The following NLGN1 variants were observed in gnomAD, a reference collection of about 807,000 sequenced individuals.
The protein encoded by NLGN1 is neuroligin-1.
In NLGN1, 12 loss-of-function variants were observed where a neutral mutation model predicts 65.5. That is an observed-to-expected ratio of 0.18 (90% CI 0.12 to 0.30). NLGN1 has a LOEUF of 0.30. NLGN1 is among the 10% of genes least tolerant of loss of function. The pLI, the probability that NLGN1 is intolerant of heterozygous loss-of-function variation, is 1.00. For missense variants in NLGN1, 750 were observed against 1,007.1 expected, an observed-to-expected ratio of 0.74 and a Z score of 3.46; for synonymous variants, 350 against 359.5, an observed-to-expected ratio of 0.97 and a Z score of 0.30.
At chr3:174,276,562 G>GTTTTGTGAT (rs1750631554) in intron 5 of NLGN1, among the ~76,000 whole-genome samples, 1 of 151,878 alleles carries the variant, frequency 6.6e-6, no homozygotes, top group South Asian at 2.1e-4. Flanking sequence ...GTAAGGTTGA[G>GTTTTGTGAT]TTTTGTGATA....
chr3:174,071,141 A>G (rs1425055612), intron 4 of NLGN1, among the ~76,000 whole-genome samples: 5 of 152,284 alleles, frequency 3.3e-5, no homozygotes, highest in African/African-American at 1.2e-4. Flanking sequence ...AAACTCCGAA[A>G]TTTTTTGGTG....
At chr3:173,732,752 A>G (rs896102129) in intron 3 of NLGN1, among the ~76,000 whole-genome samples, 1 of 152,146 alleles carries the variant, frequency 6.6e-6, no homozygotes, top group Non-Finnish European at 1.5e-5. Context: ...GTAACTAGCT[A>G]AATTACAGTG....
intron 4 of NLGN1, among the ~76,000 whole-genome samples, chr3:174,246,038 C>T (rs1036094820): frequency 1.3e-5 from 2 of 152,158 alleles, no homozygotes; most frequent in Non-Finnish European, 2.9e-5. Flanking sequence ...ATTACATGAT[C>T]CTTTTTCATT....
Position 173,516,439 on chromosome 3 carries a change from C to T in NLGN1, c.-321+81361C>T, listed in dbSNP as rs989454377. Among the ~76,000 whole-genome samples the T allele has an allele frequency of 5.3e-5, 8 of 152,014 alleles. No individual in the cohort carries two copies. The East Asian group carries it at 5.8e-4, about 11-fold the overall frequency. On this transcript the variant is annotated intron_variant, in intron 2 of 6. Transcript: ENST00000457714. Reference sequence around the variant, plus strand: ...GAATTCATGCTTCTCCTACAATATACTCCTCTTCCTGAACTTTTTGTATCA... The same window carrying T: ...GAATTCATGCTTCTCCTACAATATATTCCTCTTCCTGAACTTTTTGTATCA...
intron 4 of NLGN1, among the ~76,000 whole-genome samples, chr3:173,919,966 A>G (rs2152258652): frequency 6.6e-6 from 1 of 152,240 alleles, no homozygotes; most frequent in Non-Finnish European, 1.5e-5. Context: ...TAATCAAAGG[A>G]GAATGCTGGG....
chr3:173,983,567 A>G (rs1236818492), intron 4 of NLGN1, among the ~76,000 whole-genome samples: 1 of 152,154 alleles, frequency 6.6e-6, no homozygotes, highest in Non-Finnish European at 1.5e-5. Flanking sequence ...ACCTAACCTC[A>G]GTGCTTGTCT....
At chr3:173,460,052 T>G (rs1472247295) in intron 2 of NLGN1, among the ~76,000 whole-genome samples, 2 of 152,054 alleles carry the variant, frequency 1.3e-5, no homozygotes, top group Non-Finnish European at 2.9e-5. Context: ...AAAATCAATA[T>G]TTTTTAATTA....
intron 3 of NLGN1, among the ~76,000 whole-genome samples, chr3:173,689,374 C>T (rs771431163): frequency 6.6e-6 from 1 of 152,094 alleles, no homozygotes; most frequent in Non-Finnish European, 1.5e-5. Context: ...GAGGAGGCAG[C>T]CCCAATCTGC....
At chr3:173,814,139 C>G (rs1277357633) in intron 4 of NLGN1, among the ~76,000 whole-genome samples, 1 of 152,206 alleles carries the variant, frequency 6.6e-6, no homozygotes, top group Non-Finnish European at 1.5e-5. Context: ...GGGTGCGTGT[C>G]TCGCCCACAG....
intron 2 of NLGN1, among the ~76,000 whole-genome samples, chr3:173,484,646 CAA>C (rs1414902410): frequency 1.3e-5 from 2 of 151,798 alleles, no homozygotes; most frequent in African/African-American, 4.8e-5. Context: ...AGACATAGGC[CAA>C]TATATCTATG....
At chr3:173,782,197 A>G (rs1781277410) in intron 3 of NLGN1, among the ~76,000 whole-genome samples, 1 of 152,070 alleles carries the variant, frequency 6.6e-6, no homozygotes, top group Non-Finnish European at 1.5e-5. Context: ...TCAATTTGGG[A>G]AAGACAGGGT....
chr3:174,200,172 G>A (rs1203942367), intron 4 of NLGN1, among the ~76,000 whole-genome samples: 1 of 152,148 alleles, frequency 6.6e-6, no homozygotes, highest in Admixed American at 6.5e-5. Flanking sequence ...TTAATCTCCT[G>A]TTTCCTCATC....
intron 2 of NLGN1, among the ~76,000 whole-genome samples, chr3:173,499,269 A>G (rs1041234569): frequency 7.9e-5 from 12 of 151,976 alleles, no homozygotes; most frequent in South Asian, 6.2e-4. Flanking sequence ...AGCTTTCTAC[A>G]TATGGCTAGC....
chr3:173,596,888 G>A (rs1393581326), intron 2 of NLGN1, among the ~76,000 whole-genome samples: 1 of 152,036 alleles, frequency 6.6e-6, no homozygotes, highest in East Asian at 1.9e-4. Context: ...TTCAACATTA[G>A]GATTACCATT....
chr3:173,747,281 A>G (rs1775594505), intron 3 of NLGN1, among the ~76,000 whole-genome samples: 1 of 142,060 alleles, frequency 7.0e-6, no homozygotes, highest in Non-Finnish European at 1.5e-5. Context: ...TTAAGTATAT[A>G]TATTTAAATA....
intron 4 of NLGN1, among the ~76,000 whole-genome samples, chr3:173,870,516 A>G (rs1481892479): frequency 6.6e-6 from 1 of 152,142 alleles, no homozygotes; most frequent in African/African-American, 2.4e-5. Flanking sequence ...TTTCAACAAA[A>G]AGGGGGCTGT....
intron 4 of NLGN1, among the ~76,000 whole-genome samples, chr3:174,106,934 G>A (rs566275458): frequency 6.8e-6 from 1 of 147,958 alleles, no homozygotes; most frequent in Non-Finnish European, 1.5e-5. Context: ...AGTGAGGGTG[G>A]ATCTTCTACT....
chr3:174,112,902 T>G (rs539429988), intron 4 of NLGN1, among the ~76,000 whole-genome samples: 2 of 152,036 alleles, frequency 1.3e-5, no homozygotes, highest in Non-Finnish European at 2.9e-5. Context: ...TGGCCTTTAA[T>G]TGATCCTCTT....
chr3:173,815,532 A>G (rs1718862806), intron 4 of NLGN1, among the ~76,000 whole-genome samples: 1 of 151,960 alleles, frequency 6.6e-6, no homozygotes, highest in Non-Finnish European at 1.5e-5. Flanking sequence ...GACACAGTTA[A>G]CCATTCCTTT....
Sources: allele counts gnomAD v4.1 joint callset (sites outside exome capture counted in the v4.1 genomes callset), GRCh38; gene constraint gnomAD v4.1.1; transcripts MANE v1.5; gene names NCBI Gene and HGNC (gene_info 2026-07-23, HGNC 2026-07-21).